Variants in ATP8B2 observed in about 807,000 individuals in gnomAD.
The protein encoded by ATP8B2 is phospholipid-transporting ATPase ID.
In ATP8B2, 70 loss-of-function variants were observed where a neutral mutation model predicts 133.4. The ratio of observed to expected loss-of-function variants is 0.52; its 90% confidence interval spans 0.43 to 0.64. The LOEUF (loss-of-function observed/expected upper bound fraction) is 0.64. ATP8B2 is among the 30% of genes least tolerant of loss of function. The pLI, the probability that ATP8B2 is intolerant of heterozygous loss-of-function variation, is 0.00. For missense variants in ATP8B2, 1,101 were observed against 1,535.7 expected (o/e 0.72, Z 4.73); for synonymous variants, 517 against 589.5 (o/e 0.88, Z 1.78).
At chr1:154,330,976 G>C in intron 4 of ATP8B2, 48 bp downstream of exon 4, 1 of 1,601,450 alleles carries the variant, frequency 6.2e-7, no homozygotes. Context: ...ACTGAATAAA[G>C]CCAAGGAAGA....
chr1:154,331,362 C>A lies in ATP8B2; in HGVS notation c.304-82C>A. ...GATGGGGTGTGTATGAGGCGTTAAC[C>A]AGCATGCTCTGAGTTCTACTGATCA... On this transcript the variant is annotated intron_variant, in intron 5 of 27. Coordinates refer to ENST00000368489, the MANE Select transcript of ATP8B2 (RefSeq NM_001370597.1). The surrounding 1 kb of genome is among the most constrained non-coding windows in gnomAD (Gnocchi z 4.8). 1 of 1,472,006 alleles carries A rather than the reference C, an allele frequency of 6.8e-7. No homozygotes were observed. The highest frequency in any genetic ancestry group is 9.5e-7 in the Non-Finnish European group (1 of 1,054,120). 91.2% of individuals were successfully genotyped at this position (1,472,006 alleles called of 1,614,324 possible).
chr1:154,337,173 A>C (rs1274464160), intron 11 of ATP8B2, among the ~76,000 whole-genome samples, 175 bp from the exon 12 acceptor site: 2 of 151,834 alleles, frequency 1.3e-5, no homozygotes, highest in African/African-American at 4.8e-5. Flanking sequence ...TAGTGTTTTA[A>C]GAAAGTTTAT....
rs1686000425 is a variant in ATP8B2 at position 154,331,738 on chromosome 1, A to T, written c.438+60A>T. ...TCTTCCTCTTCTTTGTGAGAAAAGG[A>T]TGAATCTTTCCTGATTTACTGTTGC... On this transcript the variant is annotated intron_variant, in intron 7 of 27. Transcript: ENST00000368489. The surrounding 1 kb of genome is among the most constrained non-coding windows in gnomAD (Gnocchi z 4.8). The T allele has an allele frequency of 6.5e-7, 1 of 1,548,418 alleles. No individual in the cohort carries two copies. Among genetic ancestry groups the T allele is most frequent in the African/African-American group, 1.4e-5 (1 of 73,550 alleles).
chr1:154,333,221 G>A (rs1252923132), intron 9 of ATP8B2, among the ~76,000 whole-genome samples: 1 of 152,300 alleles, frequency 6.6e-6, no homozygotes, highest in South Asian at 2.1e-4. Flanking sequence ...GCTGAGGCAG[G>A]TGAATCCCTT....
Position 154,328,335 on chromosome 1 carries a change from G to T in ATP8B2, c.31+163G>T, listed in dbSNP as rs149208116. On this transcript the variant is annotated intron_variant, in intron 2 of 27. Coordinates refer to ENST00000368489, the MANE Select transcript of ATP8B2 (RefSeq NM_001370597.1). This position sits in a 1 kb window ranked among gnomAD's most constrained non-coding sequence, Gnocchi z 4.6. The stretch of plus-strand genomic sequence containing the variant: ...GCAGCCTAGGAAACCGAATTCTTCC[G>T]CTTGATCCCAAAGCTGGGTTATCTG... Among the ~76,000 whole-genome samples, 80 of 152,244 alleles carry T rather than the reference G, an allele frequency of 5.3e-4. No individual in the cohort carries two copies. Among genetic ancestry groups the T allele is most frequent in the African/African-American group, 1.7e-3 (71 of 41,554 alleles).
rs1322973245 is a variant in ATP8B2 at position 154,348,832 on chromosome 1, CT to C, written c.3295-7del. On this transcript the variant is annotated splice_polypyrimidine_tract_variant and splice_region_variant and intron_variant, in intron 27 of 27. Transcript: ENST00000368489. ...TGACAGAGGGCTCTTCCCTGTGCCC[CT>C]CTGCAGGTCCGCTACACACAGCTCG... The C allele has an allele frequency of 1.3e-6, 2 of 1,584,442 alleles. No individual in the cohort carries two copies. Among genetic ancestry groups the C allele is most frequent in the Non-Finnish European group, 1.7e-6 (2 of 1,160,536 alleles).
At chr1:154,330,569 G>C in intron 3 of ATP8B2, 115 bp downstream of exon 3, 3 of 1,086,896 alleles carry the variant, frequency 2.8e-6, no homozygotes, top group East Asian at 2.4e-5. Flanking sequence ...GGGAGGGGAA[G>C]CAACCTCCTC....
At chr1:154,342,065 CT>C (rs1346545736) in intron 13 of ATP8B2, among the ~76,000 whole-genome samples, 5 of 152,134 alleles carry the variant, frequency 3.3e-5, no homozygotes, top group African/African-American at 1.2e-4. Context: ...GTGGGGCTGA[CT>C]TTTATGCAGA....
intron 1 of ATP8B2, among the ~76,000 whole-genome samples, chr1:154,326,536 A>G (rs1463388919): frequency 2.0e-5 from 3 of 152,132 alleles, no homozygotes; most frequent in Non-Finnish European, 2.9e-5. Context: ...ACTAAGAAGG[A>G]AAAGTGAGAG....
At chr1:154,342,617 A>G (rs1686425787) in intron 14 of ATP8B2, 94 bp downstream of exon 14, 4 of 1,488,482 alleles carry the variant, frequency 2.7e-6, no homozygotes, top group Admixed American at 1.7e-5. Context: ...CTGGATAGGA[A>G]ATGGAAGCTG....
In ATP8B2 at chr1:154,331,302, G is replaced by C; in HGVS notation, c.304-142G>C. ...GATCCATGATGTCTTTTTGCTGAGC[G>C]TGGGGAGAGGGAATCAGGGAGTGAA... On this transcript the variant is annotated intron_variant, in intron 5 of 27. Transcript: ENST00000368489. This position sits in a 1 kb window ranked among gnomAD's most constrained non-coding sequence, Gnocchi z 4.8. The C allele has an allele frequency of 8.8e-7, 1 of 1,133,650 alleles. No individual in the cohort carries two copies. The highest frequency in any genetic ancestry group is 1.4e-5 in the South Asian group (1 of 72,620). The allele number at this position is 1,133,650 out of a possible 1,614,324, so 70.2% of individuals were successfully genotyped here.
intron 11 of ATP8B2, among the ~76,000 whole-genome samples, chr1:154,336,487 T>C: frequency 1.6e-5 from 1 of 62,806 alleles, no homozygotes; most frequent in East Asian, 1.3e-3. Flanking sequence ...TCATAAATTT[T>C]TTTTTTTTTT....
chr1:154,342,701 G>A, intron 14 of ATP8B2, 95 bp from the exon 15 acceptor site: 3 of 1,502,782 alleles, frequency 2.0e-6, no homozygotes, highest in African/African-American at 2.8e-5. Context: ...CCGTGGACAG[G>A]AGCCTACTGA....
At position 154,343,151 on chromosome 1, in the gene ATP8B2, G is replaced by T; in HGVS notation, c.1492G>T (p.Ala498Ser). Residue 498 changes from alanine to serine, a missense_variant, in exon 16 of 28, where the codon GCC becomes TCC. Ala to Ser is a moderately conservative substitution (Grantham distance 99). Transcript: ENST00000368489. This position sits in a 1 kb window ranked among gnomAD's most constrained non-coding sequence, Gnocchi z 5.8. ...YYKAQSPDEG[A>S]LVTAARNFGF... Reference sequence around the variant, plus strand: ...CAAAGCTCAGTCCCCAGATGAGGGGGCCCTGGTCACCGCAGCCAGGAACTT... The same window carrying T: ...CAAAGCTCAGTCCCCAGATGAGGGGTCCCTGGTCACCGCAGCCAGGAACTT... 1.2e-6 allele frequency: 2 copies of T among 1,614,130 alleles called. No homozygotes were observed. The highest frequency in any genetic ancestry group is 2.2e-5 in the South Asian group (2 of 91,088).
chr1:154,334,192 C>T lies in ATP8B2; in HGVS notation c.675C>T (p.Ser225=). ...GGAAGGAAAATAAGTTCCCTCTGAG[C>T]AACCAGAACATGCTGCTGCGGGGCT... The part of the protein sequence containing the change: ...LYWKENKFPL[S]NQNMLLRGCV... Residue 225 remains serine (S), a synonymous_variant, in exon 10 of 28, where the codon AGC becomes AGT. Transcript: ENST00000368489. The surrounding 1 kb of genome is among the most constrained non-coding windows in gnomAD (Gnocchi z 4.6). The T allele has an allele frequency of 6.2e-7, 1 of 1,614,222 alleles. No homozygotes were observed. The highest frequency in any genetic ancestry group is 8.5e-7 in the Non-Finnish European group (1 of 1,180,056).
At chr1:154,330,535 GGGC>G (rs1685948479) in intron 3 of ATP8B2, 81 bp downstream of exon 3, 5 of 1,458,504 alleles carry the variant, frequency 3.4e-6, no homozygotes, top group Non-Finnish European at 4.8e-6. Context: ...TTGGGACTGA[GGGC>G]TGCCTGGGAA....
At chr1:154,342,357 C>A in intron 13 of ATP8B2, 123 bp from the exon 14 acceptor site, 1 of 949,702 alleles carries the variant, frequency 1.1e-6, no homozygotes, top group Non-Finnish European at 1.7e-6. Flanking sequence ...ACTGTGACAG[C>A]TGCTCAGCGA....
At chr1:154,335,745 A>AG (rs1357261780) in intron 11 of ATP8B2, among the ~76,000 whole-genome samples, 1 of 151,420 alleles carries the variant, frequency 6.6e-6, no homozygotes, top group Non-Finnish European at 1.5e-5. Flanking sequence ...TTAAAAAAAA[A>AG]AAAGGCAATC....
rs1685874569 is a variant in ATP8B2, at chr1:154,328,656, C to A, written c.31+484C>A. The A allele has an allele frequency of 7.0e-6, 4 of 568,090 alleles. No homozygotes were observed. In the Admixed American group the frequency reaches 1.8e-4, roughly 26 times the overall value. 35.2% of individuals were successfully genotyped at this position (568,090 alleles called of 1,614,324 possible). On this transcript the variant is annotated intron_variant, in intron 2 of 27. Transcript: ENST00000368489. This position sits in a 1 kb window ranked among gnomAD's most constrained non-coding sequence, Gnocchi z 4.6. ...GGGCTCGCGCGCGAGCTTTCGCCTA[C>A]GCGGCGCGCTGGCAGGCTGCGGCTC...
Sources: gnomAD v4.1 joint callset for allele counts (sites outside exome capture counted in the v4.1 genomes callset) on GRCh38, gnomAD v4.1.1 for gene constraint, Gnocchi (gnomAD v3.1) non-coding constraint, MANE v1.5 for transcripts, NCBI Gene and HGNC (gene_info 2026-07-23, HGNC 2026-07-21) for gene names.